Variants in CDON observed in about 807,000 individuals in gnomAD.
CDON encodes cell adhesion associated, oncogene regulated.
In CDON, 73 loss-of-function variants were observed where a neutral mutation model predicts 120.9. The ratio of observed to expected loss-of-function variants is 0.60; its 90% CI spans 0.50 to 0.73. The LOEUF (loss-of-function observed/expected upper bound fraction) is 0.73, where lower values mean the gene tolerates loss of function less well. Among genes scored for constraint, CDON ranks in the 30% least tolerant of loss-of-function variants. The probability of loss-of-function intolerance (pLI) is 0.00; values close to 1 mark genes in which losing one functional copy is unlikely to be tolerated. For missense variants in CDON, 1,470 were observed against 1,587.3 expected (o/e 0.93, Z 1.26); for synonymous variants, 566 against 573.5 (o/e 0.99, Z 0.19).
chr11:125,964,005 T>C (rs745365314), intron 18 of CDON, among the ~76,000 whole-genome samples: 5 of 152,214 alleles, frequency 3.3e-5, no homozygotes, highest in Admixed American at 6.5e-5. Flanking sequence ...CCTGAACTTA[T>C]AGAAAAATTT....
At chr11:126,019,233 G>T (rs1050675724) in intron 4 of CDON, among the ~76,000 whole-genome samples, 6 of 152,082 alleles carry the variant, frequency 3.9e-5, no homozygotes, top group African/African-American at 1.4e-4. Flanking sequence ...TTCCAGTAGG[G>T]GTATGTGGGG....
rs570466514 is a variant in CDON, at chr11:126,050,220, C to CA, written c.-62+12358dup. Among the ~76,000 whole-genome samples the CA allele has an allele frequency of 3.7e-3, 491 of 134,416 alleles. 6 individuals are homozygous for CA. Among genetic ancestry groups the CA allele is most frequent in the African/African-American group, 0.012 (430 of 35,176 alleles). The allele number at this position is 134,416 out of a possible 152,430, so 88.2% of individuals were successfully genotyped here. On this transcript the variant is annotated intron_variant, in intron 1 of 19. Transcript: ENST00000531738. ...TTAGAAATGTCAAAGATCAAAAAAG[C>CA]AAAAAAACAAAAAAAAAGCACCCTT...
intron 14 of CDON, among the ~76,000 whole-genome samples, chr11:125,993,360 GTCTC>G (rs1346219419): frequency 6.8e-6 from 1 of 147,250 alleles, no homozygotes; most frequent in Admixed American, 7.0e-5. Flanking sequence ...CACACACACA[GTCTC>G]TGTCTCTCAC....
intron 1 of CDON, among the ~76,000 whole-genome samples, chr11:126,025,646 T>C (rs1450615490): frequency 6.6e-6 from 1 of 152,192 alleles, no homozygotes; most frequent in Non-Finnish European, 1.5e-5. Flanking sequence ...CATTATCATA[T>C]ATATTGCTGG....
At chr11:125,998,512 T>C (rs1452690871) in intron 11 of CDON, among the ~76,000 whole-genome samples, 1 of 152,054 alleles carries the variant, frequency 6.6e-6, no homozygotes, top group African/African-American at 2.4e-5. Context: ...GAGGCCTCAC[T>C]GGAAGCCAAG....
chr11:126,027,113 A>G (rs2134729984), intron 1 of CDON, among the ~76,000 whole-genome samples: 1 of 152,304 alleles, frequency 6.6e-6, no homozygotes, highest in East Asian at 1.9e-4. Flanking sequence ...TGGAAGTTGG[A>G]AAGAACCTAT....
rs545179423 is a variant in CDON, at chr11:126,019,488, ATTTG to A, written c.496+127_496+130del. The A allele has an allele frequency of 3.7e-4, 349 of 945,108 alleles. 2 individuals are homozygous for A. In the South Asian group the frequency reaches 4.6e-3, roughly 12 times the overall value. 58.5% of individuals were successfully genotyped at this position (945,108 alleles called of 1,614,324 possible). ...CCGTAATTATTTGTATATTGTAACCATTTGTTTTAGTCCTCTCCACTCATGCCTT... is the reference window on the plus strand; with the variant it reads ...CCGTAATTATTTGTATATTGTAACCATTTTAGTCCTCTCCACTCATGCCTT... On this transcript the variant is annotated intron_variant, in intron 4 of 19. Coordinates refer to ENST00000531738, the MANE Select transcript of CDON (RefSeq NM_001378964.1).
chr11:126,014,051 C>T (rs1260121073), intron 7 of CDON, among the ~76,000 whole-genome samples: 1 of 151,870 alleles, frequency 6.6e-6, no homozygotes, highest in Non-Finnish European at 1.5e-5. Context: ...TTTAAATGTC[C>T]AAATACATGC....
rs191996135 is a variant in CDON, at chr11:125,971,636, T to C, written c.3356+6668A>G. 5.5e-3 allele frequency among the ~76,000 whole-genome samples: 838 copies of C among 152,278 alleles called. 6 individuals carry two copies. The highest frequency in any genetic ancestry group is 8.4e-3 in the Non-Finnish European group (574 of 68,022). The stretch of plus-strand genomic sequence containing the variant: ...CTTCTCTTGACTATCAGCCATGTAA[T>C]TTGTACTTTTTTTCCCAGATGAATT... On this transcript the variant is annotated intron_variant, in intron 18 of 19. Transcript: ENST00000531738.
intron 1 of CDON, among the ~76,000 whole-genome samples, chr11:126,026,471 G>A (rs936054869): frequency 5.3e-5 from 8 of 152,162 alleles, no homozygotes; most frequent in African/African-American, 1.9e-4. Context: ...AAAGGTTAAT[G>A]CTAACCATTA....
chr11:126,053,504 C>A (rs112786765), intron 1 of CDON, among the ~76,000 whole-genome samples: 1,549 of 152,178 alleles, frequency 0.01, 7 homozygotes, highest in Non-Finnish European at 0.016. Context: ...CAAATCCAAC[C>A]GCTCTGATCG....
At chr11:126,009,939 T>C (rs529832455) in intron 8 of CDON, among the ~76,000 whole-genome samples, 5 of 152,308 alleles carry the variant, frequency 3.3e-5, no homozygotes, top group South Asian at 4.1e-4. Flanking sequence ...CATACAGGTA[T>C]TACTTAATAG....
chr11:126,018,165 G>A (rs560957030), intron 5 of CDON, among the ~76,000 whole-genome samples, 165 bp downstream of exon 5: 1 of 152,160 alleles, frequency 6.6e-6, no homozygotes, highest in South Asian at 2.1e-4. Flanking sequence ...CTCCCAAAGT[G>A]CTGAGATCAC....
rs138020239 is a variant in CDON at position 126,010,454 on chromosome 11, G to A, written c.1439C>T (p.Ala480Val). The change falls in exon 8 of 20, where the codon GCT (alanine) becomes GTT (valine). Residue 480 changes from alanine to valine, a missense_variant. Physicochemically the swap from Ala to Val is moderately conservative, Grantham distance 64. Transcript: ENST00000531738. ...CTGAATATGGAGAGAGCTTGCACCA[G>A]CTTGGGACAGGACGAAGTACACAGG... is the stretch of plus-strand genomic sequence containing the variant. ...LEPVYFVLSQ[A>V]GASSLHIQAV... 7.4e-6 allele frequency: 12 copies of A among 1,614,000 alleles called. No individual in the cohort carries two copies. In the African/African-American group the frequency reaches 1.3e-4, roughly 18 times the overall value.
intron 15 of CDON, 25 bp downstream of exon 15, chr11:125,989,612 C>A: frequency 6.2e-7 from 1 of 1,608,204 alleles, no homozygotes; most frequent in South Asian, 1.1e-5. Context: ...TATCACTGTC[C>A]AGGGAAAAGC....
intron 7 of CDON, among the ~76,000 whole-genome samples, chr11:126,011,977 C>T (rs1947316808): frequency 6.6e-6 from 1 of 152,204 alleles, no homozygotes; most frequent in Non-Finnish European, 1.5e-5. Flanking sequence ...GCAATGCCGG[C>T]TCAGTCAAGC....
intron 1 of CDON, among the ~76,000 whole-genome samples, chr11:126,041,966 C>A (rs1199785974): frequency 6.6e-6 from 1 of 152,188 alleles, no homozygotes; most frequent in Admixed American, 6.5e-5. Flanking sequence ...CTCACCACAA[C>A]TTCTGCCTCC....
intron 1 of CDON, among the ~76,000 whole-genome samples, chr11:126,052,541 G>A (rs1948588560): frequency 1.3e-5 from 2 of 152,110 alleles, no homozygotes; most frequent in South Asian, 4.1e-4. Flanking sequence ...AAATAATACA[G>A]GCCACGCGTG....
chr11:125,961,069 A>T lies in CDON; in HGVS notation c.3668T>A (p.Ile1223Asn), dbSNP rs1945629515. The T allele has an allele frequency of 6.2e-7, 1 of 1,614,008 alleles. No individual in the cohort carries two copies. Among genetic ancestry groups the T allele is most frequent in the Non-Finnish European group, 8.5e-7 (1 of 1,179,884 alleles). ...CAAAATAAGAGCATTCCAACTTACAATGTTGATCTCTGTTTCTGAATGGGC... is the reference window on the plus strand; with the variant it reads ...CAAAATAAGAGCATTCCAACTTACATTGTTGATCTCTGTTTCTGAATGGGC... ...SCAHSETEIN[I>N]VSWNALILPP... The change falls in exon 20 of 20, where the codon ATT (isoleucine) becomes AAT (asparagine). Residue 1223 changes from isoleucine (I) to asparagine (N), a missense_variant. By Grantham distance (149) the Ile-to-Asn change is moderately radical. Transcript: ENST00000531738.
Sources: allele counts gnomAD v4.1 joint callset (sites outside exome capture counted in the v4.1 genomes callset), GRCh38; gene constraint gnomAD v4.1.1; transcripts MANE v1.5; gene names NCBI Gene and HGNC (gene_info 2026-07-23, HGNC 2026-07-21).